Variants in SNTG2 observed in about 807,000 individuals in gnomAD.
SNTG2 encodes the protein gamma-2-syntrophin.
SNTG2 carries 74 observed loss-of-function variants against 70.9 expected under a neutral mutation model. The observed-to-expected ratio is 1.04, with a 90% CI of 0.86 to 1.27. The LOEUF (loss-of-function observed/expected upper bound fraction) is 1.27, where lower values mean the gene tolerates loss of function less well. SNTG2 is among the 50% of genes most tolerant of loss of function. The pLI, the probability that SNTG2 is intolerant of heterozygous loss-of-function variation, is 0.00. For missense variants in SNTG2, 717 were observed against 690.7 expected (o/e 1.04, Z -0.43); for synonymous variants, 278 against 273.8 (o/e 1.02, Z -0.15).
chr2:995,452 G>A (rs990575538), intron 1 of SNTG2, among the ~76,000 whole-genome samples: 1 of 152,024 alleles, frequency 6.6e-6, no homozygotes, highest in Admixed American at 6.5e-5. Flanking sequence ...TAGAAATGTT[G>A]ATGGATTTGA....
chr2:995,799 C>T (rs1193768599), intron 1 of SNTG2, among the ~76,000 whole-genome samples: 2 of 152,122 alleles, frequency 1.3e-5, no homozygotes, highest in Non-Finnish European at 2.9e-5. Context: ...TTTCACACCG[C>T]ACTTTCTTTG....
chr2:1,058,303 G>C (rs1032060112), intron 1 of SNTG2, among the ~76,000 whole-genome samples: 2 of 152,038 alleles, frequency 1.3e-5, no homozygotes, highest in African/African-American at 4.8e-5. Context: ...CACAGCATGT[G>C]GTAAAAGTAC....
At chr2:1,199,904 T>A (rs1673171677) in intron 8 of SNTG2, among the ~76,000 whole-genome samples, 1 of 152,004 alleles carries the variant, frequency 6.6e-6, no homozygotes, top group Admixed American at 6.6e-5. Flanking sequence ...TACTCATGGA[T>A]CAAAAGAATT....
At chr2:1,073,926 C>T (rs922775381) in intron 1 of SNTG2, among the ~76,000 whole-genome samples, 1 of 152,106 alleles carries the variant, frequency 6.6e-6, no homozygotes, top group Non-Finnish European at 1.5e-5. Flanking sequence ...GATATTTTTC[C>T]TGAGAAAATT....
At chr2:1,235,866 T>C (rs1676618815) in intron 9 of SNTG2, among the ~76,000 whole-genome samples, 1 of 152,212 alleles carries the variant, frequency 6.6e-6, no homozygotes. Flanking sequence ...TCTTCTAAAG[T>C]CTGTTTTTGG....
intron 2 of SNTG2, among the ~76,000 whole-genome samples, chr2:1,086,917 G>A (rs566123126): frequency 4.1e-4 from 63 of 152,254 alleles, no homozygotes; most frequent in African/African-American, 1.4e-3. Flanking sequence ...TAAATAACGT[G>A]TTAGGTACCA....
chr2:1,078,106 A>G lies in SNTG2; in HGVS notation c.73-5412A>G, dbSNP rs557248440. 6.6e-5 allele frequency among the ~76,000 whole-genome samples: 10 copies of G among 152,256 alleles called. No individual in the cohort carries two copies. The South Asian group carries it at 2.1e-3, about 32-fold the overall frequency. On this transcript the variant is annotated intron_variant, in intron 1 of 16. Coordinates refer to ENST00000308624, the MANE Select transcript of SNTG2 (RefSeq NM_018968.4). The stretch of plus-strand genomic sequence containing the variant: ...TTGTCTGTACTGGATTTTTATTGGA[A>G]CTGCATGGATAAAGTTACAAGGGTG...
intron 9 of SNTG2, among the ~76,000 whole-genome samples, chr2:1,224,637 A>G (rs1191492113): frequency 6.6e-6 from 1 of 152,228 alleles, no homozygotes; most frequent in Non-Finnish European, 1.5e-5. Flanking sequence ...CATCTGCAGA[A>G]TGCATTCCAT....
chr2:1,067,993 A>T (rs527680418), intron 1 of SNTG2: 1 of 152,376 alleles, frequency 6.6e-6, no homozygotes, highest in South Asian at 2.1e-4. Flanking sequence ...CGGTGAGGAC[A>T]GAAGTAGCCT....
intron 9 of SNTG2, among the ~76,000 whole-genome samples, chr2:1,231,555 C>A (rs1676247012): frequency 6.6e-6 from 1 of 152,152 alleles, no homozygotes; most frequent in African/African-American, 2.4e-5. Flanking sequence ...CCAGATGGTC[C>A]CCAGTGGAGA....
At position 1,051,906 on chromosome 2, in the gene SNTG2, CACA is replaced by C. The variant is rs575581852; in HGVS notation, c.73-31608_73-31606del. ...CTGTTGGTTGTTGGATATTTTATTACACAACATTAGAGAACTCTTCCATGTTAT... is the reference window on the plus strand; with the variant it reads ...CTGTTGGTTGTTGGATATTTTATTACACATTAGAGAACTCTTCCATGTTAT... On this transcript the variant is annotated intron_variant, in intron 1 of 16. Transcript: ENST00000308624. Among the ~76,000 whole-genome samples, 193 of 152,318 alleles carry C rather than the reference CACA, an allele frequency of 1.3e-3. No individual in the cohort carries two copies. In the Middle Eastern group the frequency reaches 0.017, roughly 13 times the overall value.
At chr2:1,045,080 G>C (rs1262349729) in intron 1 of SNTG2, among the ~76,000 whole-genome samples, 1 of 151,538 alleles carries the variant, frequency 6.6e-6, no homozygotes, top group Non-Finnish European at 1.5e-5. Context: ...AACTAACATT[G>C]GTATATTCAG....
intron 1 of SNTG2, among the ~76,000 whole-genome samples, chr2:1,040,223 C>T (rs1661358065): frequency 6.6e-6 from 1 of 152,304 alleles, no homozygotes; most frequent in East Asian, 1.9e-4. Flanking sequence ...AATTCCTGCA[C>T]CCCACGCCAG....
At chr2:1,242,560 A>G (rs1051619786) in intron 11 of SNTG2, among the ~76,000 whole-genome samples, 9 of 152,218 alleles carry the variant, frequency 5.9e-5, no homozygotes, top group African/African-American at 2.2e-4. Context: ...GATAACTGCA[A>G]ACAAACATAT....
chr2:1,076,319 T>A (rs1444054874), intron 1 of SNTG2, among the ~76,000 whole-genome samples: 1 of 152,192 alleles, frequency 6.6e-6, no homozygotes, highest in Non-Finnish European at 1.5e-5. Context: ...GGCCCAGTAA[T>A]TTGCGTGGTT....
intron 4 of SNTG2, among the ~76,000 whole-genome samples, chr2:1,113,542 C>A (rs1216809222): frequency 1.3e-5 from 2 of 150,758 alleles, no homozygotes; most frequent in Admixed American, 1.3e-4. Context: ...GAGGTTTAAC[C>A]CTTACAGTCC....
At chr2:1,001,795 G>C (rs1233555245) in intron 1 of SNTG2, among the ~76,000 whole-genome samples, 2 of 151,874 alleles carry the variant, frequency 1.3e-5, no homozygotes, top group Admixed American at 1.3e-4. Context: ...TAAAAAAGAG[G>C]CTGAATAGCC....
chr2:1,256,975 T>A (rs1026561047), intron 12 of SNTG2, among the ~76,000 whole-genome samples: 6 of 151,698 alleles, frequency 4.0e-5, no homozygotes, highest in East Asian at 1.9e-4. Context: ...TTTTTTTTTT[T>A]AATTAATACA....
intron 1 of SNTG2, among the ~76,000 whole-genome samples, chr2:1,061,395 G>T (rs1662815922): frequency 6.6e-6 from 1 of 152,248 alleles, no homozygotes; most frequent in Admixed American, 6.5e-5. Context: ...GTGCAGAAGT[G>T]CTGATTGCCT....
Sources: gnomAD v4.1 joint callset for allele counts (sites outside exome capture counted in the v4.1 genomes callset) on GRCh38, gnomAD v4.1.1 for gene constraint, MANE v1.5 for transcripts, NCBI Gene and HGNC (gene_info 2026-07-23, HGNC 2026-07-21) for gene names.